The following SEMA3A variants were observed in gnomAD, a reference collection of about 807,000 sequenced individuals.
SEMA3A encodes the protein semaphorin-3A.
Under a neutral mutation model 97.9 loss-of-function variants are expected in SEMA3A, and 29 were observed. The observed-to-expected ratio is 0.30, with a 90% CI of 0.22 to 0.40. The LOEUF (loss-of-function observed/expected upper bound fraction) is 0.40. SEMA3A is among the 10% of genes least tolerant of loss of function. The pLI, the probability that SEMA3A is intolerant of heterozygous loss-of-function variation, is 1.00. For missense variants in SEMA3A, 763 were observed against 951.3 expected (o/e 0.80, Z 2.60); for synonymous variants, 321 against 323.7 (o/e 0.99, Z 0.09).
At chr7:84,456,578 G>T (rs2527536) in intron 1 of SEMA3A, among the ~76,000 whole-genome samples, 17,504 of 151,744 alleles carry the variant, frequency 0.12, 1,897 homozygotes, top group African/African-American at 0.27. Flanking sequence ...AATATTTATT[G>T]TTTAATAATC....
chr7:84,269,321 C>T (rs944180388), intron 3 of SEMA3A, among the ~76,000 whole-genome samples: 1 of 151,956 alleles, frequency 6.6e-6, no homozygotes, highest in Non-Finnish European at 1.5e-5. Context: ...AAATGTGAAA[C>T]ATGGCTTTGA....
intron 2 of SEMA3A, among the ~76,000 whole-genome samples, chr7:84,351,470 T>C (rs1802437167): frequency 2.0e-5 from 3 of 151,946 alleles, no homozygotes; most frequent in Non-Finnish European, 2.9e-5. Context: ...ACCATCCTTA[T>C]GGCAAAGGAT....
At chr7:84,298,635 TA>T (rs1800923876) in intron 3 of SEMA3A, among the ~76,000 whole-genome samples, 2 of 152,192 alleles carry the variant, frequency 1.3e-5, no homozygotes, top group South Asian at 4.1e-4. Context: ...AAAATATCAG[TA>T]ATCAGCAGAT....
chr7:84,459,643 A>T (rs1416913752), intron 1 of SEMA3A, among the ~76,000 whole-genome samples: 1 of 152,224 alleles, frequency 6.6e-6, no homozygotes, highest in African/African-American at 2.4e-5. Flanking sequence ...TGATTTTTGC[A>T]TTCAATAAAG....
chr7:84,121,638 CTTTT>C (rs35808952), intron 3 of SEMA3A, among the ~76,000 whole-genome samples: 2 of 12,874 alleles, frequency 1.6e-4, no homozygotes. Context: ...GGTTCCAAGT[CTTTT>C]TTTTTTTTTT....
At chr7:84,420,978 T>A (rs1174117728) in intron 1 of SEMA3A, among the ~76,000 whole-genome samples, 2 of 152,096 alleles carry the variant, frequency 1.3e-5, no homozygotes, top group Non-Finnish European at 2.9e-5. Flanking sequence ...ATTTTTTGTG[T>A]CTCTATCTCC....
Position 84,370,992 on chromosome 7 carries a change from T to C in SEMA3A, c.-169+832A>G, listed in dbSNP as rs1052955902. Reference sequence around the variant, plus strand: ...CCATATAGAACATGAGAATGGATGATGGAGGGAGAGGGAGGAGGTAAATAG... The same window carrying C: ...CCATATAGAACATGAGAATGGATGACGGAGGGAGAGGGAGGAGGTAAATAG... On this transcript the variant is annotated intron_variant, in intron 2 of 3. Transcript: ENST00000424555. Among the ~76,000 whole-genome samples the C allele has an allele frequency of 2.0e-5, 3 of 151,040 alleles. No homozygotes were observed. The South Asian group carries it at 6.2e-4, about 31-fold the overall frequency.
At chr7:84,309,088 G>T (rs1801247092) in intron 2 of SEMA3A, among the ~76,000 whole-genome samples, 3 of 152,088 alleles carry the variant, frequency 2.0e-5, no homozygotes. Flanking sequence ...AAAGTGCTGG[G>T]ATTACAGGCG....
At chr7:84,377,111 C>T (rs1040898911) in intron 1 of SEMA3A, among the ~76,000 whole-genome samples, 3 of 152,088 alleles carry the variant, frequency 2.0e-5, no homozygotes, top group African/African-American at 7.2e-5. Flanking sequence ...TAATCTGAAA[C>T]ATTTCCCCTA....
intron 15 of SEMA3A, among the ~76,000 whole-genome samples, chr7:83,976,402 T>C (rs1010996497): frequency 2.6e-5 from 4 of 152,142 alleles, no homozygotes; most frequent in East Asian, 1.9e-4. Context: ...ATTAGCAGTA[T>C]TGTCATTGAT....
chr7:84,220,696 A>G (rs1798855959), intron 3 of SEMA3A, among the ~76,000 whole-genome samples: 1 of 152,148 alleles, frequency 6.6e-6, no homozygotes, highest in Admixed American at 6.6e-5. Flanking sequence ...GAGCAATAAT[A>G]TGCTGAAAGG....
intron 3 of SEMA3A, among the ~76,000 whole-genome samples, chr7:84,203,526 A>ATATATATATATATATATATTTTTTT (rs372380784): frequency 3.9e-5 from 1 of 25,654 alleles, no homozygotes; most frequent in African/African-American, 1.3e-4. Flanking sequence ...ATATATATAT[A>ATATATATATATATATATATTTTTTT]TTTTTTTTTT....
chr7:84,154,000 TGA>T (rs2116136489), intron 1 of SEMA3A, among the ~76,000 whole-genome samples: 1 of 152,040 alleles, frequency 6.6e-6, no homozygotes, highest in Admixed American at 6.5e-5. Flanking sequence ...CATGAGAAAA[TGA>T]ATTCAGGAGA....
At chr7:83,987,737 T>A (rs546278182) in intron 12 of SEMA3A, among the ~76,000 whole-genome samples, 2 of 152,358 alleles carry the variant, frequency 1.3e-5, no homozygotes, top group South Asian at 4.1e-4. Context: ...CTATACTGTC[T>A]TTCTTCCATT....
chr7:84,065,163 A>G (rs1367729282), intron 4 of SEMA3A, among the ~76,000 whole-genome samples: 4 of 139,086 alleles, frequency 2.9e-5, no homozygotes, highest in East Asian at 2.1e-4. Flanking sequence ...CTGCTCCTGA[A>G]TGACTACTGG....
At chr7:84,065,149 C>G (rs1398433754) in intron 4 of SEMA3A, among the ~76,000 whole-genome samples, 2 of 138,594 alleles carry the variant, frequency 1.4e-5, no homozygotes, top group Admixed American at 7.5e-5. Context: ...GGAAACTGAA[C>G]AACCTGCTCC....
At chr7:83,973,611 A>C (rs1789006710) in intron 15 of SEMA3A, among the ~76,000 whole-genome samples, 1 of 152,168 alleles carries the variant, frequency 6.6e-6, no homozygotes, top group Non-Finnish European at 1.5e-5. Context: ...CTAAATTTAC[A>C]GTTCTACAGA....
intron 15 of SEMA3A, among the ~76,000 whole-genome samples, chr7:83,973,640 C>G (rs1190255777): frequency 2.0e-5 from 3 of 151,948 alleles, no homozygotes; most frequent in Admixed American, 2.0e-4. Flanking sequence ...ATGGCATTGT[C>G]AAAGACATTT....
chr7:84,157,128 CTT>C (rs2116148821), intron 1 of SEMA3A, among the ~76,000 whole-genome samples: 1 of 152,228 alleles, frequency 6.6e-6, no homozygotes, highest in South Asian at 2.1e-4. Context: ...AAAATGCACT[CTT>C]TTAAATGGCA....
Sources: allele counts gnomAD v4.1 joint callset (sites outside exome capture counted in the v4.1 genomes callset), GRCh38; gene constraint gnomAD v4.1.1; transcripts MANE v1.5; gene names NCBI Gene and HGNC (gene_info 2026-07-23, HGNC 2026-07-21).